FAM83B: variants seen among roughly 807,000 people sequenced by gnomAD.
FAM83B encodes protein FAM83B.
In FAM83B, 26 loss-of-function variants were observed where a neutral mutation model predicts 38.8. The ratio of observed to expected loss-of-function variants is 0.67; its 90% confidence interval spans 0.49 to 0.93. FAM83B has a LOEUF of 0.93. FAM83B is among the 40% of genes least tolerant of loss of function. FAM83B has a pLI of 0.00. For missense variants in FAM83B, 1,237 were observed against 1,197.3 expected, an observed-to-expected ratio of 1.03 and a Z score of -0.49; for synonymous variants, 419 against 423.1, an observed-to-expected ratio of 0.99 and a Z score of 0.12.
chr6:54,865,363 C>G lies in FAM83B; in HGVS notation c.-60-4824C>G, dbSNP rs117073929. Among the ~76,000 whole-genome samples the G allele has an allele frequency of 2.4e-4, 36 of 152,312 alleles. 1 individual carries two copies. In the East Asian group the frequency reaches 6.9e-3, roughly 29 times the overall value. On this transcript the variant is annotated intron_variant, in intron 1 of 4. Coordinates refer to ENST00000306858, the MANE Select transcript of FAM83B (RefSeq NM_001010872.3). ...TGTCTGTCTCTGTGTCCCCTCTCTC[C>G]TTATAGACACAAGTCATATAGTCAT...
At chr6:54,880,441 C>CTTTTTTTTTTTTTTTT (rs1180941250) in intron 2 of FAM83B, among the ~76,000 whole-genome samples, 1 of 106,216 alleles carries the variant, frequency 9.4e-6, no homozygotes, top group Non-Finnish European at 1.8e-5. Context: ...TAGAAGGTTT[C>CTTTTTTTTTTTTTTTT]TTTTTTTTTT....
chr6:54,876,428 G>A lies in FAM83B; in HGVS notation c.444+5738G>A, dbSNP rs552235349. Reference sequence around the variant, plus strand: ...AACCTCTGTCCCCCCAGGTTCAAGCGATTCTCCTGCCTCAGCCTCCCTAGT... The same window carrying A: ...AACCTCTGTCCCCCCAGGTTCAAGCAATTCTCCTGCCTCAGCCTCCCTAGT... On this transcript the variant is annotated intron_variant, in intron 2 of 4. Transcript: ENST00000306858. Among the ~76,000 whole-genome samples, 28 of 149,572 alleles carry A rather than the reference G, an allele frequency of 1.9e-4. No homozygotes were observed. The South Asian group carries it at 5.0e-3, about 27-fold the overall frequency.
chr6:54,895,146 G>A (rs1772500970), intron 2 of FAM83B, among the ~76,000 whole-genome samples: 1 of 152,190 alleles, frequency 6.6e-6, no homozygotes, highest in African/African-American at 2.4e-5. Context: ...ACTGTATTGT[G>A]TAGATTCTGT....
At chr6:54,935,750 G>A (rs984325287) in intron 4 of FAM83B, among the ~76,000 whole-genome samples, 4 of 152,066 alleles carry the variant, frequency 2.6e-5, no homozygotes, top group African/African-American at 4.8e-5. Context: ...CAAATTAGCC[G>A]AAAATGCTAA....
intron 4 of FAM83B, among the ~76,000 whole-genome samples, chr6:54,936,457 A>G (rs1349494782): frequency 6.6e-6 from 1 of 152,060 alleles, no homozygotes; most frequent in Non-Finnish European, 1.5e-5. Context: ...CTGTACTACA[A>G]TAGTACTACA....
chr6:54,853,824 A>G (rs1299057341), intron 1 of FAM83B, among the ~76,000 whole-genome samples: 1 of 152,228 alleles, frequency 6.6e-6, no homozygotes, highest in Non-Finnish European at 1.5e-5. Flanking sequence ...TCATAAAGCT[A>G]TAGCTGCCAC....
At chr6:54,901,888 T>C (rs1772668846) in intron 2 of FAM83B, among the ~76,000 whole-genome samples, 1 of 152,088 alleles carries the variant, frequency 6.6e-6, no homozygotes, top group African/African-American at 2.4e-5. Context: ...TAAGCCCTAT[T>C]TTTCCTCCTT....
intron 2 of FAM83B, among the ~76,000 whole-genome samples, chr6:54,883,072 G>A (rs554945492): frequency 1.3e-4 from 20 of 152,060 alleles, no homozygotes; most frequent in African/African-American, 4.6e-4. Flanking sequence ...TGAGTAGCTG[G>A]GACTACAGGC....
At chr6:54,858,979 G>A (rs775189340) in intron 1 of FAM83B, among the ~76,000 whole-genome samples, 1 of 151,998 alleles carries the variant, frequency 6.6e-6, no homozygotes, top group Non-Finnish European at 1.5e-5. Flanking sequence ...ACCTAACCTC[G>A]ATTTAACATA....
chr6:54,907,237 T>A lies in FAM83B; in HGVS notation c.445-19134T>A, dbSNP rs550275418. On this transcript the variant is annotated intron_variant, in intron 2 of 4. Transcript: ENST00000306858. ...ATCTACATTAGTCTTATTATGTTTT[T>A]AATTAAAGATTATTCTTATTGTTTT... is the stretch of plus-strand genomic sequence containing the variant. Among the ~76,000 whole-genome samples the A allele has an allele frequency of 1.3e-4, 20 of 152,324 alleles. No homozygotes were observed. The East Asian group carries it at 3.3e-3, about 25-fold the overall frequency.
rs148636817 is a variant in FAM83B, at chr6:54,855,738, A to T, written c.-61+8912A>T. Among the ~76,000 whole-genome samples the T allele has an allele frequency of 2.5e-3, 386 of 152,330 alleles. 2 individuals carry two copies. Among genetic ancestry groups the T allele is most frequent in the African/African-American group, 8.8e-3 (366 of 41,568 alleles). On this transcript the variant is annotated intron_variant, in intron 1 of 4. Transcript: ENST00000306858. ...GTGATTCCACAGAAATTTGGGGTGG[A>T]TCCAAAATACGATTCACCAAAAAGT... is the stretch of plus-strand genomic sequence containing the variant.
chr6:54,925,982 T>C (rs1299751138), intron 2 of FAM83B, among the ~76,000 whole-genome samples: 4 of 152,154 alleles, frequency 2.6e-5, no homozygotes, highest in Non-Finnish European at 4.4e-5. Context: ...TCTTAATGAC[T>C]GGTTCAAAAA....
rs1561934810 is a variant in FAM83B, at chr6:54,942,730, T to TTTTTTTTTTTTTTTTTTTTTTTTTTTTG, written c.*723_*724insTTTTTTTTTTTTTTTTTTTTTTTTTTTG. Among the ~76,000 whole-genome samples the TTTTTTTTTTTTTTTTTTTTTTTTTTTTG allele has an allele frequency of 1.3e-5, 2 of 151,980 alleles. No homozygotes were observed. Among genetic ancestry groups the TTTTTTTTTTTTTTTTTTTTTTTTTTTTG allele is most frequent in the African/African-American group, 4.8e-5 (2 of 41,312 alleles). ...TCTTACCCATAGGCTGCTGATTTTT[T>TTTTTTTTTTTTTTTTTTTTTTTTTTTTG]ATAGTCATTCCTTACTTCACATTTA... On this transcript the variant is annotated 3_prime_UTR_variant, in exon 5 of 5. Coordinates refer to ENST00000306858, the MANE Select transcript of FAM83B (RefSeq NM_001010872.3).
At chr6:54,920,079 GTATATTA>G (rs1334359314) in intron 2 of FAM83B, among the ~76,000 whole-genome samples, 4 of 151,878 alleles carry the variant, frequency 2.6e-5, no homozygotes, top group Non-Finnish European at 5.9e-5. Flanking sequence ...AGTGCACACA[GTATATTA>G]TATATAAATT....
At chr6:54,852,962 A>G (rs1259268506) in intron 1 of FAM83B, among the ~76,000 whole-genome samples, 1 of 151,672 alleles carries the variant, frequency 6.6e-6, no homozygotes, top group Admixed American at 6.6e-5. Flanking sequence ...TTTTAAGCTC[A>G]TTGGCTATTG....
intron 2 of FAM83B, among the ~76,000 whole-genome samples, chr6:54,879,731 T>C (rs1242014455): frequency 1.3e-5 from 2 of 152,148 alleles, no homozygotes; most frequent in Non-Finnish European, 2.9e-5. Flanking sequence ...AGATGTTTTT[T>C]AGTGACAGTG....
intron 4 of FAM83B, among the ~76,000 whole-genome samples, chr6:54,932,267 C>G (rs973558981): frequency 2.6e-5 from 4 of 152,152 alleles, no homozygotes; most frequent in African/African-American, 4.8e-5. Context: ...CCACCTCAAC[C>G]TCCCAAAGTG....
Position 54,939,907 on chromosome 6 carries a change from A to G in FAM83B, c.936A>G (p.Ser312=). ...ENGTYQHSVS[S]LASVSSQRNL... ...GCACTTACCAGCATTCGGTGTCTTC[A>G]TTAGCATCTGTTTCCAGCCAGAGAA... The change falls in exon 5 of 5, where the codon TCA becomes TCG. Residue 312 remains serine, a synonymous_variant. Coordinates refer to ENST00000306858, the MANE Select transcript of FAM83B (RefSeq NM_001010872.3). 1 of 1,614,070 alleles carries G rather than the reference A, an allele frequency of 6.2e-7. No individual in the cohort carries two copies. The highest frequency in any genetic ancestry group is 2.2e-5 in the East Asian group (1 of 44,866).
At chr6:54,927,108 A>AGCT (rs1313146308) in intron 3 of FAM83B, among the ~76,000 whole-genome samples, 2 of 152,154 alleles carry the variant, frequency 1.3e-5, no homozygotes, top group Admixed American at 1.3e-4. Flanking sequence ...CTTTGAAACC[A>AGCT]GTGACTCTGG....
Sources: gnomAD v4.1 joint callset for allele counts (sites outside exome capture counted in the v4.1 genomes callset) on GRCh38, gnomAD v4.1.1 for gene constraint, MANE v1.5 for transcripts, NCBI Gene and HGNC (gene_info 2026-07-23, HGNC 2026-07-21) for gene names.